The following SNTG1 variants were observed in gnomAD, a reference collection of about 807,000 sequenced individuals.
SNTG1 encodes gamma-1-syntrophin.
A neutral mutation model predicts 74.7 loss-of-function variants in SNTG1; 39 were observed. That is an observed-to-expected ratio of 0.52 (90% CI 0.40 to 0.68). The LOEUF (loss-of-function observed/expected upper bound fraction) is 0.68, where lower values mean the gene tolerates loss of function less well. Among genes scored for constraint, SNTG1 ranks in the 30% least tolerant of loss-of-function variants. The pLI, the probability that SNTG1 is intolerant of heterozygous loss-of-function variation, is 0.00. For missense variants in SNTG1, 685 were observed against 609.5 expected (o/e 1.12, Z -1.30); for synonymous variants, 254 against 217.1 (o/e 1.17, Z -1.49).
intron 12 of SNTG1, among the ~76,000 whole-genome samples, chr8:50,554,746 G>A (rs994188659): frequency 2.0e-5 from 3 of 152,098 alleles, no homozygotes; most frequent in African/African-American, 2.4e-5. Flanking sequence ...CCTCTCCTTC[G>A]ACTGACTTAT....
intron 2 of SNTG1, among the ~76,000 whole-genome samples, chr8:50,272,001 G>A (rs968947): frequency 0.47 from 71,299 of 151,832 alleles, 19,312 homozygotes; most frequent in East Asian, 0.83. Flanking sequence ...CAGCTAGAAG[G>A]TATCATCTAT....
intron 1 of SNTG1, among the ~76,000 whole-genome samples, chr8:50,034,535 T>A (rs1336869633): frequency 6.7e-6 from 1 of 148,846 alleles, no homozygotes; most frequent in Non-Finnish European, 1.5e-5. Context: ...AGGGTGGGAT[T>A]GGGGTGGGGG....
chr8:50,288,351 T>A (rs2088901363), intron 2 of SNTG1, among the ~76,000 whole-genome samples: 2 of 152,182 alleles, frequency 1.3e-5, no homozygotes, highest in African/African-American at 4.8e-5. Context: ...AATTAAATAT[T>A]TCTAAATGGC....
rs563130033 is a variant in SNTG1, at chr8:50,793,239, C to T, written c.*410C>T. 380 of 153,104 alleles carry T rather than the reference C, an allele frequency of 2.5e-3. No homozygotes were observed. The highest frequency in any genetic ancestry group is 4.7e-3 in the Non-Finnish European group (320 of 68,724). The allele number at this position is 153,104 out of a possible 1,614,324, so 9.5% of individuals were successfully genotyped here. On this transcript the variant is annotated 3_prime_UTR_variant, in exon 19 of 19. Coordinates refer to ENST00000642720, the MANE Select transcript of SNTG1 (RefSeq NM_018967.5). The stretch of plus-strand genomic sequence containing the variant: ...CATGTTGGGCAGAGTCATAGGAAAA[C>T]AAATGCCCTATCTTGTATTATGAGG...
At chr8:50,086,000 T>C (rs1822849479) in intron 1 of SNTG1, among the ~76,000 whole-genome samples, 1 of 151,954 alleles carries the variant, frequency 6.6e-6, no homozygotes, top group Admixed American at 6.6e-5. Context: ...TTATGATGAG[T>C]TCATACCCAG....
At chr8:50,233,734 GA>G (rs71235783) in intron 2 of SNTG1, among the ~76,000 whole-genome samples, 252 of 150,252 alleles carry the variant, frequency 1.7e-3, no homozygotes, top group African/African-American at 6.0e-3. Context: ...TTAGAAAATG[GA>G]AAAAAAAATG....
intron 2 of SNTG1, among the ~76,000 whole-genome samples, chr8:50,290,696 T>A (rs1223217713): frequency 6.6e-6 from 1 of 152,194 alleles, no homozygotes; most frequent in Non-Finnish European, 1.5e-5. Flanking sequence ...TAGTCAGTTA[T>A]CATATTAATA....
At chr8:50,183,585 A>G (rs189551461) in intron 2 of SNTG1, among the ~76,000 whole-genome samples, 1 of 152,208 alleles carries the variant, frequency 6.6e-6, no homozygotes, top group East Asian at 1.9e-4. Flanking sequence ...TATAATCACC[A>G]TTTACATACC....
chr8:50,746,191 G>A (rs995483097), intron 17 of SNTG1, among the ~76,000 whole-genome samples: 5 of 151,840 alleles, frequency 3.3e-5, no homozygotes, highest in South Asian at 4.1e-4. Context: ...TTATACAAAT[G>A]TTTTAGTAAT....
chr8:50,790,661 CA>C (rs1368693750), intron 18 of SNTG1, among the ~76,000 whole-genome samples: 1 of 152,002 alleles, frequency 6.6e-6, no homozygotes, highest in Middle Eastern at 3.4e-3. Context: ...AATGAAGAGT[CA>C]AACTTGGATC....
At chr8:50,138,387 G>C (rs958918612) in intron 1 of SNTG1, among the ~76,000 whole-genome samples, 1 of 151,942 alleles carries the variant, frequency 6.6e-6, no homozygotes, top group African/African-American at 2.4e-5. Context: ...GGAGGCCGAG[G>C]TGGGTGGGTC....
At chr8:50,769,331 A>G (rs1017413954) in intron 18 of SNTG1, among the ~76,000 whole-genome samples, 2 of 152,064 alleles carry the variant, frequency 1.3e-5, no homozygotes, top group South Asian at 2.1e-4. Flanking sequence ...ATCTACGAAG[A>G]GAAGAATTGT....
rs1431509228 is a variant in SNTG1, at chr8:50,061,570, G to A, written c.-102-110991G>A. Among the ~76,000 whole-genome samples, 4 of 151,968 alleles carry A rather than the reference G, an allele frequency of 2.6e-5. No individual in the cohort carries two copies. In the East Asian group the frequency reaches 7.7e-4, roughly 29 times the overall value. The stretch of plus-strand genomic sequence containing the variant: ...TGGTTTCCCTCCCCACTACTTTTTA[G>A]GTAGGAATTTAGATTATTGATTTGA... On this transcript the variant is annotated intron_variant, in intron 1 of 18. Coordinates refer to ENST00000642720, the MANE Select transcript of SNTG1 (RefSeq NM_018967.5).
intron 13 of SNTG1, among the ~76,000 whole-genome samples, chr8:50,638,663 T>G (rs1287357349): frequency 6.6e-6 from 1 of 152,080 alleles, no homozygotes; most frequent in Admixed American, 6.5e-5. Context: ...CTTGAGAGTC[T>G]TCTTGAGATT....
intron 1 of SNTG1, among the ~76,000 whole-genome samples, chr8:50,147,061 ATGT>A (rs2081898210): frequency 6.6e-6 from 1 of 151,978 alleles, no homozygotes; most frequent in Non-Finnish European, 1.5e-5. Flanking sequence ...TATCCTGTTG[ATGT>A]TGTATTTAAA....
chr8:50,664,600 C>A (rs1010965920), intron 15 of SNTG1, among the ~76,000 whole-genome samples: 1 of 152,084 alleles, frequency 6.6e-6, no homozygotes, highest in African/African-American at 2.4e-5. Flanking sequence ...CTGCATCTTG[C>A]CCTCATCTCT....
intron 12 of SNTG1, among the ~76,000 whole-genome samples, chr8:50,583,406 A>AT (rs1355524048): frequency 7.2e-5 from 11 of 151,742 alleles, no homozygotes; most frequent in African/African-American, 2.2e-4. Flanking sequence ...AAAAAAAAAA[A>AT]AAAAAAAAGA....
At chr8:50,586,951 G>A (rs1025491713) in intron 12 of SNTG1, among the ~76,000 whole-genome samples, 3 of 151,944 alleles carry the variant, frequency 2.0e-5, no homozygotes, top group Non-Finnish European at 4.4e-5. Flanking sequence ...AAGCATTCAT[G>A]TAATAACCCC....
At position 50,636,283 on chromosome 8, in the gene SNTG1, C is replaced by G. The variant is rs532782509; in HGVS notation, c.850-20626C>G. Reference sequence around the variant, plus strand: ...TGGTGCAGGCACTTCCTTAGCCACCCTGGCTGGTGACTCACTAGGTCATAT... The same window carrying G: ...TGGTGCAGGCACTTCCTTAGCCACCGTGGCTGGTGACTCACTAGGTCATAT... On this transcript the variant is annotated intron_variant, in intron 13 of 18. Coordinates refer to ENST00000642720, the MANE Select transcript of SNTG1 (RefSeq NM_018967.5). Among the ~76,000 whole-genome samples the G allele has an allele frequency of 2.0e-5, 3 of 151,872 alleles. No homozygotes were observed. In the South Asian group the frequency reaches 6.2e-4, roughly 32 times the overall value.
Sources: allele counts gnomAD v4.1 joint callset (sites outside exome capture counted in the v4.1 genomes callset), GRCh38; gene constraint gnomAD v4.1.1; transcripts MANE v1.5; gene names NCBI Gene and HGNC (gene_info 2026-07-23, HGNC 2026-07-21).